Variants in SH2D4B observed in about 807,000 individuals in gnomAD.
SH2D4B encodes SH2 domain-containing protein 4B.
SH2D4B carries 45 observed loss-of-function variants against 61.5 expected under a neutral mutation model. That is an observed-to-expected ratio of 0.73 (90% CI 0.58 to 0.94). The LOEUF (loss-of-function observed/expected upper bound fraction) is 0.94, where lower values mean the gene tolerates loss of function less well. SH2D4B is among the 40% of genes least tolerant of loss of function. SH2D4B has a pLI of 0.00. For synonymous variants in SH2D4B, 224 were observed against 220.4 expected, an observed-to-expected ratio of 1.02 and a Z score of -0.14; for missense variants, 572 against 574.2, an observed-to-expected ratio of 1.00 and a Z score of 0.04.
At chr10:80,578,021 A>T (rs146614299) in intron 3 of SH2D4B, among the ~76,000 whole-genome samples, 2,388 of 151,524 alleles carry the variant, frequency 0.016, 65 homozygotes, top group African/African-American at 0.056. Flanking sequence ...CCCAGGCCAG[A>T]GTGCAGTGGC....
intron 5 of SH2D4B, among the ~76,000 whole-genome samples, chr10:80,608,906 C>T (rs570454963): frequency 6.6e-6 from 1 of 152,148 alleles, no homozygotes; most frequent in African/African-American, 2.4e-5. Flanking sequence ...AGGCAGGCGT[C>T]CCCTCAGAGG....
chr10:80,572,973 TA>T lies in SH2D4B; in HGVS notation c.495+1396del, dbSNP rs1842074330. Among the ~76,000 whole-genome samples, 61 of 11,786 alleles carry T rather than the reference TA, an allele frequency of 5.2e-3. 3 individuals carry two copies. Among genetic ancestry groups the T allele is most frequent in the Admixed American group, 9.4e-3 (9 of 962 alleles). 7.7% of individuals were successfully genotyped at this position (11,786 alleles called of 152,430 possible). On this transcript the variant is annotated intron_variant, in intron 3 of 7. Transcript: ENST00000646907. ...ATATATATATATATATATATATATA[TA>T]TATATATATATATTTTTTTTTTTTT...
intron 1 of SH2D4B, among the ~76,000 whole-genome samples, chr10:80,559,633 C>A (rs1275510478): frequency 6.9e-6 from 1 of 144,818 alleles, no homozygotes. Flanking sequence ...TTTTGTGGTC[C>A]TGCATTTTTT....
intron 4 of SH2D4B, among the ~76,000 whole-genome samples, chr10:80,595,176 C>A (rs1401317571): frequency 6.6e-6 from 1 of 152,194 alleles, no homozygotes; most frequent in Non-Finnish European, 1.5e-5. Context: ...TGGGCCCTGG[C>A]AGACCAAGGG....
chr10:80,626,732 C>G (rs970821565), intron 6 of SH2D4B, among the ~76,000 whole-genome samples: 1 of 152,244 alleles, frequency 6.6e-6, no homozygotes, highest in Non-Finnish European at 1.5e-5. Flanking sequence ...TCAAGGCCCA[C>G]CTCACATTCC....
intron 1 of SH2D4B, among the ~76,000 whole-genome samples, chr10:80,564,800 C>T (rs1246378679): frequency 6.6e-6 from 1 of 152,180 alleles, no homozygotes; most frequent in Non-Finnish European, 1.5e-5. Flanking sequence ...ATTTTAGTAA[C>T]ATAACCATTA....
chr10:80,582,672 C>A (rs957425880), intron 3 of SH2D4B, among the ~76,000 whole-genome samples: 1 of 152,178 alleles, frequency 6.6e-6, no homozygotes, highest in Non-Finnish European at 1.5e-5. Context: ...CTGGACAACA[C>A]CACCTGCCCT....
At chr10:80,623,505 T>C (rs867123936) in intron 6 of SH2D4B, among the ~76,000 whole-genome samples, 5 of 152,206 alleles carry the variant, frequency 3.3e-5, no homozygotes, top group African/African-American at 1.2e-4. Context: ...TGTCAACATA[T>C]GAATTTTTAT....
intron 4 of SH2D4B, among the ~76,000 whole-genome samples, chr10:80,596,454 A>G (rs992397371): frequency 2.0e-5 from 3 of 152,168 alleles, no homozygotes; most frequent in African/African-American, 7.2e-5. Flanking sequence ...CTCAGACTCA[A>G]TAGGGAGGTC....
chr10:80,571,873 C>T (rs10881776), intron 3 of SH2D4B, among the ~76,000 whole-genome samples: 15,384 of 150,722 alleles, frequency 0.1, 923 homozygotes, highest in Admixed American at 0.18. Flanking sequence ...CCCGGGTTCA[C>T]GCCATTCTCC....
chr10:80,572,701 C>T (rs1325922378), intron 3 of SH2D4B, among the ~76,000 whole-genome samples: 2 of 151,418 alleles, frequency 1.3e-5, no homozygotes, highest in African/African-American at 4.9e-5. Flanking sequence ...TTCACTGCAA[C>T]CTCTGCCTCC....
At chr10:80,543,116 CCT>C (rs1328917059) in intron 1 of SH2D4B, among the ~76,000 whole-genome samples, 3 of 152,132 alleles carry the variant, frequency 2.0e-5, no homozygotes, top group African/African-American at 7.2e-5. Context: ...TCCTCACAGC[CCT>C]CTCTCGCTCT....
chr10:80,568,335 G>C (rs1474951270), intron 1 of SH2D4B, among the ~76,000 whole-genome samples: 8 of 152,212 alleles, frequency 5.3e-5, no homozygotes, highest in Admixed American at 5.2e-4. Flanking sequence ...GAGGGCAAGG[G>C]ACAGTGGGCA....
intron 5 of SH2D4B, chr10:80,607,210 T>C (rs1842530172): frequency 6.6e-6 from 1 of 152,238 alleles, no homozygotes; most frequent in Non-Finnish European, 1.5e-5. Context: ...TGCTGTTACA[T>C]ATAACTTCCT....
intron 1 of SH2D4B, among the ~76,000 whole-genome samples, chr10:80,549,672 G>T (rs1385769148): frequency 1.3e-5 from 2 of 152,236 alleles, no homozygotes; most frequent in Non-Finnish European, 2.9e-5. Flanking sequence ...CTGCCACCTT[G>T]CTCTTGTTTC....
At position 80,630,964 on chromosome 10, in the gene SH2D4B, CAT is replaced by C. The variant is rs146626256; in HGVS notation, c.989-3319_989-3318del. ...TCAAGGGTTTTAGGTGGGTGAGACACATAACATCGTCACTTTGGTATTACTGG... is the reference window on the plus strand; with the variant it reads ...TCAAGGGTTTTAGGTGGGTGAGACACAACATCGTCACTTTGGTATTACTGG... On this transcript the variant is annotated intron_variant, in intron 6 of 7. Transcript: ENST00000646907. Among the ~76,000 whole-genome samples, 227 of 152,294 alleles carry C rather than the reference CAT, an allele frequency of 1.5e-3. 1 individual carries two copies. The highest frequency in any genetic ancestry group is 4.8e-3 in the African/African-American group (198 of 41,564).
chr10:80,600,879 T>C (rs1842444835), intron 4 of SH2D4B, among the ~76,000 whole-genome samples: 1 of 152,172 alleles, frequency 6.6e-6, no homozygotes. Flanking sequence ...AAAGTCACGG[T>C]CCTTGTAGGG....
intron 7 of SH2D4B, among the ~76,000 whole-genome samples, chr10:80,642,770 T>C (rs560856801): frequency 1.3e-5 from 2 of 152,342 alleles, no homozygotes; most frequent in African/African-American, 4.8e-5. Context: ...GCAGTATTTC[T>C]CTAGGATGGG....
rs577413236 is a variant in SH2D4B, at chr10:80,570,157, C to T, written c.188C>T (p.Ala63Val). Residue 63 changes from alanine to valine, a missense_variant, in exon 2 of 8, where the codon GCG becomes GTG. Transcript: ENST00000646907. ...TCTTCCTTCTTCTATTGTGAAGCAGCGAGTGACAAGCACATCCAATGGCTC... is the reference window on the plus strand; with the variant it reads ...TCTTCCTTCTTCTATTGTGAAGCAGTGAGTGACAAGCACATCCAATGGCTC... ...GLRPPKTKRA[A>V]SDKHIQWLLG... 62 of 1,613,998 alleles carry T rather than the reference C, an allele frequency of 3.8e-5. No homozygotes were observed. The highest frequency in any genetic ancestry group is 1.3e-4 in the South Asian group (12 of 91,072).
Sources: allele counts gnomAD v4.1 joint callset (sites outside exome capture counted in the v4.1 genomes callset), GRCh38; gene constraint gnomAD v4.1.1; transcripts MANE v1.5; gene names NCBI Gene and HGNC (gene_info 2026-07-23, HGNC 2026-07-21).